The following ZNF804B variants were observed in gnomAD, a reference collection of about 807,000 sequenced individuals.
The protein encoded by ZNF804B is zinc finger 804B.
Under a neutral mutation model 101.4 loss-of-function variants are expected in ZNF804B, and 80 were observed. That is an observed-to-expected ratio of 0.79 (90% confidence interval 0.66 to 0.95). ZNF804B has a LOEUF of 0.95. Ranked by LOEUF, ZNF804B falls within the 40% of genes least tolerant of loss-of-function variation. The pLI, the probability that ZNF804B is intolerant of heterozygous loss-of-function variation, is 0.00. For missense variants in ZNF804B, 1,673 were observed against 1,561.9 expected (o/e 1.07, Z -1.20); for synonymous variants, 622 against 558.8 (o/e 1.11, Z -1.59).
intron 2 of ZNF804B, among the ~76,000 whole-genome samples, chr7:89,325,313 G>T (rs1790881323): frequency 6.6e-6 from 1 of 151,792 alleles, no homozygotes; most frequent in African/African-American, 2.4e-5. Context: ...TTTTAACTTT[G>T]CAAACTTCCT....
At chr7:88,872,972 T>C (rs2115884883) in intron 1 of ZNF804B, among the ~76,000 whole-genome samples, 1 of 152,100 alleles carries the variant, frequency 6.6e-6, no homozygotes, top group South Asian at 2.1e-4. Context: ...TATAGTCCTT[T>C]GGGTATATAC....
At chr7:89,318,610 A>G (rs1389188696) in intron 2 of ZNF804B, among the ~76,000 whole-genome samples, 1 of 152,182 alleles carries the variant, frequency 6.6e-6, no homozygotes, top group Non-Finnish European at 1.5e-5. Flanking sequence ...TGAAAATACA[A>G]AAATTAACCG....
At chr7:89,121,377 G>A (rs67580745) in intron 1 of ZNF804B, among the ~76,000 whole-genome samples, 14,415 of 152,050 alleles carry the variant, frequency 0.095, 740 homozygotes, top group Middle Eastern at 0.14. Context: ...ATATTTGACA[G>A]CTCATTTTTA....
chr7:88,991,926 A>C (rs902170256), intron 1 of ZNF804B, among the ~76,000 whole-genome samples: 1 of 152,154 alleles, frequency 6.6e-6, no homozygotes, highest in Non-Finnish European at 1.5e-5. Flanking sequence ...TTCTAAAATG[A>C]GGCAAAAAAT....
intron 1 of ZNF804B, among the ~76,000 whole-genome samples, chr7:88,770,770 A>G (rs1286273442): frequency 6.6e-6 from 1 of 152,152 alleles, no homozygotes; most frequent in Non-Finnish European, 1.5e-5. Flanking sequence ...GTGTAGGGAA[A>G]CAAGAAGAGC....
At chr7:89,189,795 T>A (rs1398283180) in intron 1 of ZNF804B, among the ~76,000 whole-genome samples, 4 of 152,122 alleles carry the variant, frequency 2.6e-5, no homozygotes, top group Admixed American at 1.3e-4. Flanking sequence ...TTTTTTTCTT[T>A]CTTAAAATTA....
At chr7:89,019,169 G>A (rs1217516203) in intron 1 of ZNF804B, among the ~76,000 whole-genome samples, 6 of 151,766 alleles carry the variant, frequency 4.0e-5, no homozygotes, top group Non-Finnish European at 4.4e-5. Flanking sequence ...CATAAGTTTT[G>A]GTGTGCTGTG....
chr7:89,162,734 A>G (rs965270055), intron 1 of ZNF804B, among the ~76,000 whole-genome samples: 4 of 150,896 alleles, frequency 2.7e-5, no homozygotes, highest in Non-Finnish European at 5.9e-5. Context: ...TACATGTGCC[A>G]TGCTGGTGCG....
intron 1 of ZNF804B, among the ~76,000 whole-genome samples, chr7:89,013,641 A>G (rs1788497500): frequency 6.6e-6 from 1 of 152,152 alleles, no homozygotes; most frequent in Admixed American, 6.5e-5. Context: ...TAGGGGGAAC[A>G]TTCAATATTC....
intron 1 of ZNF804B, among the ~76,000 whole-genome samples, chr7:88,836,990 T>C (rs1434539906): frequency 6.6e-6 from 1 of 152,000 alleles, no homozygotes; most frequent in African/African-American, 2.4e-5. Context: ...CTGTTAGTTC[T>C]TCTTTGCCAC....
chr7:88,913,491 T>G (rs1375937338), intron 1 of ZNF804B, among the ~76,000 whole-genome samples: 1 of 152,116 alleles, frequency 6.6e-6, no homozygotes, highest in Non-Finnish European at 1.5e-5. Context: ...GCCTCCTGGG[T>G]TCAAGTGATT....
At chr7:89,325,267 A>G (rs1790880625) in intron 2 of ZNF804B, among the ~76,000 whole-genome samples, 1 of 151,930 alleles carries the variant, frequency 6.6e-6, no homozygotes, top group South Asian at 2.1e-4. Flanking sequence ...TTTAAACAAA[A>G]TCTCTTCTTC....
intron 1 of ZNF804B, among the ~76,000 whole-genome samples, chr7:89,034,865 C>T (rs574251623): frequency 6.6e-5 from 10 of 152,230 alleles, no homozygotes; most frequent in African/African-American, 1.9e-4. Flanking sequence ...ACACTCCCAC[C>T]AAAAGTGTAA....
In ZNF804B at chr7:89,336,227, A is replaced by T; in HGVS notation, c.3245A>T (p.Tyr1082Phe). Reference protein sequence around the residue: ...EFPGAFPSNKYTGVTDSTETQ... With the variant: ...EFPGAFPSNKFTGVTDSTETQ... ...CCTGGTGCTTTTCCGTCTAATAAAT[A>T]TACTGGTGTGACTGATTCAACAGAG... is the stretch of plus-strand genomic sequence containing the variant. Residue 1082 changes from tyrosine to phenylalanine, a missense_variant, in exon 4 of 4, where the codon TAT becomes TTT. By Grantham distance (22) the Tyr-to-Phe change is conservative. Coordinates refer to ENST00000333190, the MANE Select transcript of ZNF804B (RefSeq NM_181646.5). 6.2e-7 allele frequency: 1 copy of T among 1,613,892 alleles called. No homozygotes were observed. Among genetic ancestry groups the T allele is most frequent in the East Asian group, 2.2e-5 (1 of 44,848 alleles).
chr7:88,978,073 T>G (rs1793641593), intron 1 of ZNF804B, among the ~76,000 whole-genome samples: 1 of 151,892 alleles, frequency 6.6e-6, no homozygotes, highest in African/African-American at 2.4e-5. Flanking sequence ...TCTAGTTTTA[T>G]TCCATTGTGG....
At chr7:89,263,938 A>C (rs183977300) in intron 2 of ZNF804B, among the ~76,000 whole-genome samples, 1 of 152,314 alleles carries the variant, frequency 6.6e-6, no homozygotes, top group Admixed American at 6.5e-5. Flanking sequence ...GTTTGTGGTA[A>C]TTTTTAATGG....
chr7:89,016,666 C>T (rs1167637328), intron 1 of ZNF804B, among the ~76,000 whole-genome samples: 4 of 151,804 alleles, frequency 2.6e-5, no homozygotes, highest in African/African-American at 9.7e-5. Flanking sequence ...GGCATTATTT[C>T]TGAGGGCTCT....
intron 1 of ZNF804B, among the ~76,000 whole-genome samples, chr7:89,195,024 G>C (rs1445707397): frequency 6.6e-6 from 1 of 151,794 alleles, no homozygotes; most frequent in Non-Finnish European, 1.5e-5. Context: ...GGGATGCAAG[G>C]CTGGTTCAAT....
intron 1 of ZNF804B, among the ~76,000 whole-genome samples, chr7:89,187,876 T>C (rs988565767): frequency 1.8e-4 from 27 of 152,108 alleles, no homozygotes; most frequent in Non-Finnish European, 3.5e-4. Context: ...CAAACCCCTC[T>C]TTTAGAGGTA....
Sources: allele counts gnomAD v4.1 joint callset (sites outside exome capture counted in the v4.1 genomes callset), GRCh38; gene constraint gnomAD v4.1.1; transcripts MANE v1.5; gene names NCBI Gene and HGNC (gene_info 2026-07-23, HGNC 2026-07-21).